Variants in COL24A1 observed in about 807,000 individuals in gnomAD.
The protein encoded by COL24A1 is collagen type XXIV alpha 1 chain.
COL24A1 carries 224 observed loss-of-function variants against 253.9 expected under a neutral mutation model. The observed-to-expected ratio is 0.88, with a 90% CI of 0.79 to 0.99. The LOEUF (loss-of-function observed/expected upper bound fraction) is 0.99, where lower values mean the gene tolerates loss of function less well. Ranked by LOEUF, COL24A1 falls within the 50% of genes least tolerant of loss-of-function variation. The probability of loss-of-function intolerance (pLI) is 0.00; values close to 1 mark genes in which losing one functional copy is unlikely to be tolerated. For missense variants in COL24A1, 2,131 were observed against 2,068.5 expected, an observed-to-expected ratio of 1.03 and a Z score of -0.59; for synonymous variants, 685 against 673.7, an observed-to-expected ratio of 1.02 and a Z score of -0.26.
chr1:86,052,250 G>A (rs1455784989), intron 10 of COL24A1, among the ~76,000 whole-genome samples: 2 of 151,922 alleles, frequency 1.3e-5, no homozygotes, highest in Non-Finnish European at 2.9e-5. Flanking sequence ...AAATACTGAA[G>A]AATTCAAGCA....
intron 47 of COL24A1, among the ~76,000 whole-genome samples, chr1:85,806,221 T>G (rs968554334): frequency 3.9e-5 from 6 of 152,348 alleles, no homozygotes; most frequent in Admixed American, 2.6e-4. Context: ...TGTTTTATTT[T>G]TAGAGAAACT....
intron 25 of COL24A1, 91 bp from the exon 26 acceptor site, chr1:85,910,094 A>T: frequency 1.0e-6 from 1 of 1,003,880 alleles, no homozygotes. Flanking sequence ...TGTCATCCAG[A>T]ATCATGTCTT....
chr1:85,922,796 G>A (rs1197544622), intron 24 of COL24A1, among the ~76,000 whole-genome samples: 5 of 152,188 alleles, frequency 3.3e-5, no homozygotes, highest in African/African-American at 1.2e-4. Context: ...CATAATGACA[G>A]GATCAAATTC....
At position 85,806,328 on chromosome 1, in the gene COL24A1, A is replaced by G. The variant is rs562550755; in HGVS notation, c.3951+10460T>C. On this transcript the variant is annotated intron_variant, in intron 47 of 59. Transcript: ENST00000370571. ...TTTAAATAAGGGAGACTTGCCCACT[A>G]CATATAAGAACATACTACAGAGCCA... 4.6e-5 allele frequency among the ~76,000 whole-genome samples: 7 copies of G among 152,302 alleles called. No homozygotes were observed. The East Asian group carries it at 1.4e-3, about 29-fold the overall frequency.
chr1:86,156,243 G>C, intron 1 of COL24A1, 98 bp downstream of exon 1: 2 of 1,195,524 alleles, frequency 1.7e-6, no homozygotes, highest in South Asian at 3.0e-5. Flanking sequence ...AAAGTGCCAA[G>C]GAGCCGGACT....
chr1:85,859,735 T>C (rs563415370), intron 37 of COL24A1, among the ~76,000 whole-genome samples: 1 of 152,296 alleles, frequency 6.6e-6, no homozygotes, highest in African/African-American at 2.4e-5. Context: ...CTGCAACCCA[T>C]TTGTGTATCT....
chr1:86,028,071 G>C (rs888867615), intron 14 of COL24A1, among the ~76,000 whole-genome samples: 1 of 152,118 alleles, frequency 6.6e-6, no homozygotes, highest in Non-Finnish European at 1.5e-5. Context: ...TTTGGAATGG[G>C]AGTATTTACC....
At chr1:85,985,028 T>C (rs893541471) in intron 20 of COL24A1, among the ~76,000 whole-genome samples, 8 of 151,932 alleles carry the variant, frequency 5.3e-5, no homozygotes, top group African/African-American at 1.9e-4. Flanking sequence ...ATCCATATTA[T>C]AGTTATTATG....
chr1:86,022,912 A>G (rs1408840779), intron 15 of COL24A1, 35 bp from the exon 16 acceptor site: 1 of 1,612,258 alleles, frequency 6.2e-7, no homozygotes, highest in South Asian at 1.1e-5. Flanking sequence ...GATATCATAG[A>G]CAGATTAAAG....
chr1:86,054,586 A>G (rs1700539344), intron 10 of COL24A1, among the ~76,000 whole-genome samples: 1 of 152,174 alleles, frequency 6.6e-6, no homozygotes, highest in South Asian at 2.1e-4. Context: ...CAAAACCACA[A>G]GGGGATACCA....
At chr1:85,997,138 C>G (rs1381750065) in intron 19 of COL24A1, among the ~76,000 whole-genome samples, 1 of 149,574 alleles carries the variant, frequency 6.7e-6, no homozygotes, top group African/African-American at 2.4e-5. Flanking sequence ...ATGCATCTTA[C>G]CCTGAGAACT....
rs757092055 is a variant in COL24A1, at chr1:85,961,198, C to T, written c.2562+51G>A. 3.8e-6 allele frequency: 5 copies of T among 1,328,370 alleles called. No individual in the cohort carries two copies. The East Asian group carries it at 9.3e-5, about 25-fold the overall frequency. 82.3% of individuals were successfully genotyped at this position (1,328,370 alleles called of 1,614,324 possible). On this transcript the variant is annotated intron_variant, in intron 24 of 59. Coordinates refer to ENST00000370571, the MANE Select transcript of COL24A1 (RefSeq NM_152890.7). ...AAACGTAATCATGGCTAATATGATT[C>T]CTAAAAATGCTTACAGCTGATTAAA...
At chr1:86,085,354 CA>C (rs1412911878) in intron 7 of COL24A1, among the ~76,000 whole-genome samples, 1 of 152,148 alleles carries the variant, frequency 6.6e-6, no homozygotes, top group Non-Finnish European at 1.5e-5. Flanking sequence ...TTATAATTCT[CA>C]CTAAACTGAG....
chr1:86,103,005 G>A (rs1704606095), intron 5 of COL24A1, among the ~76,000 whole-genome samples: 1 of 152,124 alleles, frequency 6.6e-6, no homozygotes, highest in Admixed American at 6.6e-5. Flanking sequence ...ATTATTGCAT[G>A]GGAATCTAAA....
At chr1:85,934,509 G>T (rs1688084263) in intron 24 of COL24A1, among the ~76,000 whole-genome samples, 1 of 152,100 alleles carries the variant, frequency 6.6e-6, no homozygotes, top group South Asian at 2.1e-4. Context: ...TCCTACAGAT[G>T]AAATGCATAA....
At chr1:85,838,516 G>GA (rs1051818519) in intron 43 of COL24A1, 69 bp downstream of exon 43, 18 of 1,392,502 alleles carry the variant, frequency 1.3e-5, no homozygotes, top group East Asian at 4.6e-5. Context: ...TAATGGAATG[G>GA]AAAAAATGGA....
At chr1:85,978,429 G>T (rs1449330360) in intron 20 of COL24A1, among the ~76,000 whole-genome samples, 2 of 151,364 alleles carry the variant, frequency 1.3e-5, no homozygotes, top group African/African-American at 4.8e-5. Context: ...ACTTATGGCA[G>T]AATGAAAAAA....
At chr1:86,059,515 TTTCGATCATCCTAC>T (rs1447653058) in intron 8 of COL24A1, among the ~76,000 whole-genome samples, 1 of 152,150 alleles carries the variant, frequency 6.6e-6, no homozygotes, top group Non-Finnish European at 1.5e-5. Context: ...TTCTTTCTTG[TTTCGATCATCCTAC>T]AACACTCCTT....
rs372712672 is a variant in COL24A1, at chr1:85,896,406, A to T, written c.2782T>A (p.Ser928Thr). The change falls in exon 29 of 60, where the codon TCA becomes ACA. Residue 928 changes from serine (S) to threonine (T), a missense_variant. Physicochemically the swap from Ser to Thr is moderately conservative, Grantham distance 58. Transcript: ENST00000370571. ...GSQGPKGQRG[S>T]RGPDGLLGEQ... ...CCTAAGAGACCATCTGGTCCTCTTG[A>T]TCCCTAGAGGTGAAAAAAATATCCT... The T allele has an allele frequency of 7.4e-6, 12 of 1,611,964 alleles. No homozygotes were observed. Among genetic ancestry groups the T allele is most frequent in the Non-Finnish European group, 1.0e-5 (12 of 1,178,228 alleles).
Sources: gnomAD v4.1 joint callset for allele counts (sites outside exome capture counted in the v4.1 genomes callset) on GRCh38, gnomAD v4.1.1 for gene constraint, MANE v1.5 for transcripts, NCBI Gene and HGNC (gene_info 2026-07-23, HGNC 2026-07-21) for gene names.